Variants in LMOD3 observed in about 807,000 individuals in gnomAD.
The protein encoded by LMOD3 is leiomodin-3.
LMOD3 carries 31 observed loss-of-function variants against 41.8 expected under a neutral mutation model. The ratio of observed to expected loss-of-function variants is 0.74; its 90% confidence interval spans 0.56 to 1.00. LMOD3 has a LOEUF of 1.00. Ranked by LOEUF, LMOD3 falls within the 50% of genes least tolerant of loss-of-function variation. The pLI is 0.00. For synonymous variants in LMOD3, 292 were observed against 241.9 expected (o/e 1.21, Z -1.92); for missense variants, 755 against 679.5 (o/e 1.11, Z -1.23).
At chr3:69,110,853 A>AAAAAT (rs1458630453) in intron 2 of LMOD3, among the ~76,000 whole-genome samples, 4 of 104,168 alleles carry the variant, frequency 3.8e-5, no homozygotes, top group Admixed American at 2.8e-4. Flanking sequence ...AAAAAAAAAA[A>AAAAAT]ATATATATAT....
chr3:69,120,650 CAT>C (rs1015531721), intron 1 of LMOD3, among the ~76,000 whole-genome samples: 1 of 135,770 alleles, frequency 7.4e-6, no homozygotes, highest in East Asian at 2.3e-4. Flanking sequence ...TATATATATA[CAT>C]ATATATATTT....
chr3:69,118,910 G>T lies in LMOD3; in HGVS notation c.1445C>A (p.Pro482His), dbSNP rs969581155. 6.2e-7 allele frequency: 1 copy of T among 1,611,936 alleles called. No homozygotes were observed. Among genetic ancestry groups the T allele is most frequent in the African/African-American group, 1.3e-5 (1 of 74,194 alleles). The change falls in exon 2 of 3, where the codon CCT becomes CAT. Residue 482 changes from proline (P) to histidine (H), a missense_variant. Coordinates refer to ENST00000420581, the MANE Select transcript of LMOD3 (RefSeq NM_198271.5). ...PSQAPKYRTD[P>H]DSFRVVKLKR... The stretch of plus-strand genomic sequence containing the variant: ...CAGCTTCACCACCCGGAAGGAGTCA[G>T]GGTCTGTCCTGTACTTCGGGGCCTG...
Position 69,122,204 on chromosome 3 carries a change from T to A in LMOD3, c.183A>T (p.Pro61=). ...ATTTATGATTGAAGTTTCCTGTCGG[T>A]GGCTTGTCAGTTTGATCTTTCTGAA... is the stretch of plus-strand genomic sequence containing the variant. ...GMIQKDQTDK[P]PTGNFNHKSL... Residue 61 remains proline (P), a synonymous_variant, in exon 1 of 3, where the codon CCA becomes CCT. Coordinates refer to ENST00000420581, the MANE Select transcript of LMOD3 (RefSeq NM_198271.5). The A allele has an allele frequency of 1.2e-6, 2 of 1,613,558 alleles. No individual in the cohort carries two copies. The highest frequency in any genetic ancestry group is 1.7e-6 in the Non-Finnish European group (2 of 1,179,754).
At chr3:69,109,369 A>T (rs749833226) in intron 2 of LMOD3, among the ~76,000 whole-genome samples, 1 of 152,240 alleles carries the variant, frequency 6.6e-6, no homozygotes, top group East Asian at 1.9e-4. Context: ...TGGAAATAAG[A>T]GGGCGGGTGC....
At position 69,118,773 on chromosome 3, in the gene LMOD3, G is replaced by C. The variant is rs774100251; in HGVS notation, c.1582C>G (p.Pro528Ala). ...LKPVPRNRPP[P>A]LVEITPRDQL... ...TCTCTGGGAGTGATTTCCACCAATG[G>C]GGGTGGCCTGTTTCTCGGCACTGGC... The change falls in exon 2 of 3, where the codon CCA (proline) becomes GCA (alanine). Residue 528 changes from proline to alanine, a missense_variant. By Grantham distance (27) the Pro-to-Ala change is conservative (BLOSUM62 -1). Coordinates refer to ENST00000420581, the MANE Select transcript of LMOD3 (RefSeq NM_198271.5). 1.9e-6 allele frequency: 3 copies of C among 1,611,966 alleles called. No individual in the cohort carries two copies. The highest frequency in any genetic ancestry group is 2.5e-6 in the Non-Finnish European group (3 of 1,179,470).
chr3:69,120,025 T>C lies in LMOD3; in HGVS notation c.330A>G (p.Lys110=), dbSNP rs1402627683. Residue 110 remains lysine (K), a synonymous_variant, in exon 2 of 3, where the codon AAA becomes AAG. Coordinates refer to ENST00000420581, the MANE Select transcript of LMOD3 (RefSeq NM_198271.5). The stretch of plus-strand genomic sequence containing the variant: ...AATACTGGGCCATATTTTTATTACG[T>C]TTTTCTATTTCTTCATGCTCTTCTT... ...KTQEEHEEIE[K]RNKNMAQYLK... 6.2e-7 allele frequency: 1 copy of C among 1,603,756 alleles called. No homozygotes were observed. Among genetic ancestry groups the C allele is most frequent in the Admixed American group, 1.7e-5 (1 of 58,376 alleles).
rs10604147 is a variant in LMOD3 at position 69,115,483 on chromosome 3, AAC to A, written c.1656+3214_1656+3215del. Among the ~76,000 whole-genome samples the A allele has an allele frequency of 9.3e-3, 1,345 of 144,544 alleles. 6 individuals are homozygous for A. Among genetic ancestry groups the A allele is most frequent in the African/African-American group, 0.019 (755 of 39,358 alleles). 94.8% of individuals were successfully genotyped at this position (144,544 alleles called of 152,430 possible). ...GGTGATAGAGTGAGATCCTGCCTCA[AAC>A]ACACACACACACACACACACACACA... On this transcript the variant is annotated intron_variant, in intron 2 of 2. Transcript: ENST00000420581.
chr3:69,106,589 T>C lies in LMOD3; in HGVS notation c.*2506A>G, dbSNP rs376934876. Among the ~76,000 whole-genome samples the C allele has an allele frequency of 1.3e-5, 2 of 152,314 alleles. No individual in the cohort carries two copies. Among genetic ancestry groups the C allele is most frequent in the African/African-American group, 4.8e-5 (2 of 41,584 alleles). On this transcript the variant is annotated 3_prime_UTR_variant, in exon 3 of 3. Coordinates refer to ENST00000420581, the MANE Select transcript of LMOD3 (RefSeq NM_198271.5). ...TAAGCTATGAAATTGGATCATCTTT[T>C]CTTCTTGTATATCTAAGATAAAAAC...
In LMOD3 at chr3:69,108,743, ATATT is replaced by A. The variant is rs1186485502; in HGVS notation, c.*348_*351del. The A allele has an allele frequency of 1.9e-5, 4 of 207,762 alleles. No individual in the cohort carries two copies. Among genetic ancestry groups the A allele is most frequent in the Non-Finnish European group, 3.8e-5 (4 of 104,508 alleles). The allele number at this position is 207,762 out of a possible 1,614,324, so 12.9% of individuals were successfully genotyped here. On this transcript the variant is annotated 3_prime_UTR_variant, in exon 3 of 3. Coordinates refer to ENST00000420581, the MANE Select transcript of LMOD3 (RefSeq NM_198271.5). ...GAATACAATAGTTAACACTTCTGTT[ATATT>A]TATTATTTACCAGAAGAAAACAATA... is the stretch of plus-strand genomic sequence containing the variant.
intron 2 of LMOD3, 56 bp from the exon 3 acceptor site, chr3:69,109,177 T>C: frequency 6.5e-7 from 1 of 1,545,386 alleles, no homozygotes; most frequent in Middle Eastern, 1.7e-4. Context: ...ATTTAAGAGC[T>C]TTGCAGCAAA....
chr3:69,106,165 A>C lies in LMOD3; in HGVS notation c.*2930T>G, dbSNP rs191421560. ...TGAAGCAAACACTTCAGCTGTTTCA[A>C]ATACTGTTTAGTAAAGCTTGAATAC... On this transcript the variant is annotated 3_prime_UTR_variant, in exon 3 of 3. Transcript: ENST00000420581. The C allele has an allele frequency of 1.4e-4, 21 of 152,360 alleles. No homozygotes were observed. In the East Asian group the frequency reaches 3.7e-3, roughly 27 times the overall value. 9.4% of individuals were successfully genotyped at this position (152,360 alleles called of 1,614,324 possible). A position where few individuals can be genotyped will look rare whatever the true frequency, so the allele number is the denominator to read the frequency against.
At chr3:69,114,343 T>C (rs781133768) in intron 2 of LMOD3, among the ~76,000 whole-genome samples, 1 of 152,188 alleles carries the variant, frequency 6.6e-6, no homozygotes, top group Non-Finnish European at 1.5e-5. Context: ...CAGTTTTCAA[T>C]ACCTGGCCCA....
rs749894242 is a variant in LMOD3 at position 69,118,718 on chromosome 3, C to T, written c.1637G>A (p.Ser546Asn). 6.2e-6 allele frequency: 10 copies of T among 1,612,844 alleles called. No homozygotes were observed. Among genetic ancestry groups the T allele is most frequent in the Non-Finnish European group, 8.5e-6 (10 of 1,179,608 alleles). ...DQLLNDIRHS[S>N]VAYLKPVQLP... ...ACTTACAGGTTTAAGATAGGCGACACTGCTGTGACGAATGTCGTTTAGCAG... is the reference window on the plus strand; with the variant it reads ...ACTTACAGGTTTAAGATAGGCGACATTGCTGTGACGAATGTCGTTTAGCAG... Residue 546 changes from serine (S) to asparagine (N), a missense_variant, in exon 2 of 3, where the codon AGT becomes AAT. Transcript: ENST00000420581.
chr3:69,111,988 T>C lies in LMOD3; in HGVS notation c.1657-2867A>G, dbSNP rs185102482. On this transcript the variant is annotated intron_variant, in intron 2 of 2. Transcript: ENST00000420581. ...CAAATATTTTTTAAAAACCAAAAAC[T>C]ATAAAAGTTGCAAGAAAAGGCAGGC... Among the ~76,000 whole-genome samples the C allele has an allele frequency of 1.6e-4, 24 of 152,280 alleles. No homozygotes were observed. In the Middle Eastern group the frequency reaches 0.01, roughly 65 times the overall value.
In LMOD3 at chr3:69,118,777, T is replaced by G; in HGVS notation, c.1578A>C (p.Pro526=). ...KTLKPVPRNR[P]PPLVEITPRD... ...TGGGAGTGATTTCCACCAATGGGGG[T>G]GGCCTGTTTCTCGGCACTGGCTTGA... Residue 526 remains proline (P), a synonymous_variant, in exon 2 of 3, where the codon CCA becomes CCC. Transcript: ENST00000420581. 6.2e-7 allele frequency: 1 copy of G among 1,610,958 alleles called. No homozygotes were observed. Among genetic ancestry groups the G allele is most frequent in the Non-Finnish European group, 8.5e-7 (1 of 1,179,152 alleles).
chr3:69,122,486 T>A lies in LMOD3; in HGVS notation c.-100A>T. 2 of 879,012 alleles carry A rather than the reference T, an allele frequency of 2.3e-6. No individual in the cohort carries two copies. The highest frequency in any genetic ancestry group is 3.4e-6 in the Non-Finnish European group (2 of 590,684). 54.5% of individuals were successfully genotyped at this position (879,012 alleles called of 1,614,324 possible). On this transcript the variant is annotated 5_prime_UTR_variant, in exon 1 of 3. Transcript: ENST00000420581. Reference sequence around the variant, plus strand: ...TCAAGAAGGTCCCCCAGTTAACGAGTGTCCCAAGTTAACACACCCTTGAGA... The same window carrying A: ...TCAAGAAGGTCCCCCAGTTAACGAGAGTCCCAAGTTAACACACCCTTGAGA...
Position 69,122,467 on chromosome 3 carries a change from AG to A in LMOD3, c.-82del, listed in dbSNP as rs2092413587. The A allele has an allele frequency of 9.1e-7, 1 of 1,103,790 alleles. No homozygotes were observed. The highest frequency in any genetic ancestry group is 2.8e-5 in the Admixed American group (1 of 35,690). 68.4% of individuals were successfully genotyped at this position (1,103,790 alleles called of 1,614,324 possible). On this transcript the variant is annotated 5_prime_UTR_variant, in exon 1 of 3. Coordinates refer to ENST00000420581, the MANE Select transcript of LMOD3 (RefSeq NM_198271.5). ...AAAAAGAAGGAAAAAAGCCTCAAGAAGGTCCCCCAGTTAACGAGTGTCCCAA... is the reference window on the plus strand; with the variant it reads ...AAAAAGAAGGAAAAAAGCCTCAAGAAGTCCCCCAGTTAACGAGTGTCCCAA...
At chr3:69,115,348 G>A (rs1230511659) in intron 2 of LMOD3, among the ~76,000 whole-genome samples, 17 of 151,966 alleles carry the variant, frequency 1.1e-4, no homozygotes, top group Admixed American at 9.2e-4. Flanking sequence ...AATTAGCCGT[G>A]TGTGGTGAGT....
chr3:69,114,701 T>A (rs1038777843), intron 2 of LMOD3, among the ~76,000 whole-genome samples: 3 of 152,102 alleles, frequency 2.0e-5, no homozygotes, highest in Non-Finnish European at 4.4e-5. Context: ...GAGATGGGTT[T>A]TCACCACGTT....
Sources: allele counts gnomAD v4.1 joint callset (sites outside exome capture counted in the v4.1 genomes callset), GRCh38; gene constraint gnomAD v4.1.1; transcripts MANE v1.5; gene names NCBI Gene and HGNC (gene_info 2026-07-23, HGNC 2026-07-21).